The following MPDZ variants were observed in gnomAD, a reference collection of about 807,000 sequenced individuals.
The protein encoded by MPDZ is multiple PDZ domain crumbs cell polarity complex component.
In MPDZ, 234 loss-of-function variants were observed where a neutral mutation model predicts 239.1. The observed-to-expected ratio is 0.98, with a 90% confidence interval of 0.88 to 1.09. The LOEUF (loss-of-function observed/expected upper bound fraction) is 1.09, where lower values mean the gene tolerates loss of function less well. Among genes scored for constraint, MPDZ ranks in the 50% least tolerant of loss-of-function variants. MPDZ has a pLI of 0.00. For missense variants in MPDZ, 3,175 were observed against 2,510.0 expected (o/e 1.26, Z -5.66); for synonymous variants, 1,048 against 881.3 (o/e 1.19, Z -3.35).
intron 1 of MPDZ, among the ~76,000 whole-genome samples, chr9:13,263,873 T>A (rs904997877): frequency 6.6e-6 from 1 of 152,160 alleles, no homozygotes; most frequent in Non-Finnish European, 1.5e-5. Flanking sequence ...AATATTCAAA[T>A]GACAATAAAA....
At chr9:13,159,506 G>C (rs558505445) in intron 23 of MPDZ, among the ~76,000 whole-genome samples, 1 of 152,026 alleles carries the variant, frequency 6.6e-6, no homozygotes, top group Non-Finnish European at 1.5e-5. Context: ...AAGGCAGAGA[G>C]GTAAAAATTA....
chr9:13,105,924 G>C lies in MPDZ; in HGVS notation c.*1041C>G, dbSNP rs1375011831. The C allele has an allele frequency of 2.6e-5, 4 of 152,046 alleles. No individual in the cohort carries two copies. Among genetic ancestry groups the C allele is most frequent in the Admixed American group, 1.3e-4 (2 of 15,262 alleles). 9.4% of individuals were successfully genotyped at this position (152,046 alleles called of 1,614,324 possible). On this transcript the variant is annotated 3_prime_UTR_variant, in exon 47 of 47. Coordinates refer to ENST00000319217, the MANE Select transcript of MPDZ (RefSeq NM_001378778.1). ...TAAACAGCTCCATCTGTTTCCCTTAGTCTTAAACTATTGTATTATAAGATG... is the reference window on the plus strand; with the variant it reads ...TAAACAGCTCCATCTGTTTCCCTTACTCTTAAACTATTGTATTATAAGATG...
chr9:13,257,152 C>T (rs569882156), intron 1 of MPDZ, among the ~76,000 whole-genome samples: 1 of 152,206 alleles, frequency 6.6e-6, no homozygotes, highest in East Asian at 1.9e-4. Flanking sequence ...AAATCTGTTC[C>T]AATAGGCTTA....
intron 19 of MPDZ, among the ~76,000 whole-genome samples, chr9:13,181,078 G>A (rs373808489): frequency 2.0e-5 from 3 of 152,038 alleles, no homozygotes; most frequent in Non-Finnish European, 4.4e-5. Context: ...GGAAGAGACA[G>A]GTAAAATTAT....
chr9:13,184,721 A>C (rs577298250), intron 18 of MPDZ, among the ~76,000 whole-genome samples: 4 of 152,118 alleles, frequency 2.6e-5, no homozygotes, highest in African/African-American at 9.6e-5. Flanking sequence ...ACATTAATGA[A>C]AGAATACCTC....
chr9:13,242,316 C>T lies in MPDZ; in HGVS notation c.183+5319G>A, dbSNP rs1184764004. ...TCTGGGCTCACCACAACCTCCACTTCCTGGGCTCAAGCAATTCTCGTGCCT... is the reference window on the plus strand; with the variant it reads ...TCTGGGCTCACCACAACCTCCACTTTCTGGGCTCAAGCAATTCTCGTGCCT... On this transcript the variant is annotated intron_variant, in intron 3 of 46. Coordinates refer to ENST00000319217, the MANE Select transcript of MPDZ (RefSeq NM_001378778.1). Among the ~76,000 whole-genome samples the T allele has an allele frequency of 5.6e-5, 8 of 143,320 alleles. No homozygotes were observed. In the Admixed American group the frequency reaches 5.9e-4, roughly 10 times the overall value. The allele number at this position is 143,320 out of a possible 152,430, so 94.0% of individuals were successfully genotyped here.
At chr9:13,167,635 C>T (rs1430985702) in intron 22 of MPDZ, among the ~76,000 whole-genome samples, 1 of 152,082 alleles carries the variant, frequency 6.6e-6, no homozygotes, top group African/African-American at 2.4e-5. Context: ...TGTTATCCCT[C>T]ATACATTAAA....
intron 1 of MPDZ, among the ~76,000 whole-genome samples, chr9:13,272,841 G>A (rs1973316876): frequency 6.6e-6 from 1 of 152,028 alleles, no homozygotes; most frequent in Non-Finnish European, 1.5e-5. Context: ...TAAGCTTTAT[G>A]AAATTTACCC....
intron 13 of MPDZ, among the ~76,000 whole-genome samples, chr9:13,194,945 T>C (rs1225905661): frequency 6.6e-6 from 1 of 152,074 alleles, no homozygotes; most frequent in Non-Finnish European, 1.5e-5. Context: ...GTAACAGCTA[T>C]ACTTACTCAA....
chr9:13,231,490 C>G (rs1309951424), intron 3 of MPDZ, among the ~76,000 whole-genome samples: 1 of 152,078 alleles, frequency 6.6e-6, no homozygotes, highest in Non-Finnish European at 1.5e-5. Context: ...TCACTTGAAC[C>G]TGGGAGGTGG....
At chr9:13,276,501 C>G (rs1461712680) in intron 1 of MPDZ, 4 of 152,066 alleles carry the variant, frequency 2.6e-5, no homozygotes, top group Non-Finnish European at 4.4e-5. Context: ...AAATGAAATC[C>G]TACTTTAGGC....
At chr9:13,273,639 C>T (rs980788864) in intron 1 of MPDZ, among the ~76,000 whole-genome samples, 1 of 152,082 alleles carries the variant, frequency 6.6e-6, no homozygotes, top group Admixed American at 6.6e-5. Context: ...ATGGAAATAT[C>T]ATGTGAGCCA....
At chr9:13,219,398 T>A (rs532707349) in intron 8 of MPDZ, among the ~76,000 whole-genome samples, 161 bp downstream of exon 8, 1 of 152,138 alleles carries the variant, frequency 6.6e-6, no homozygotes, top group South Asian at 2.1e-4. Context: ...TCCTGATTAA[T>A]AAAATATCAT....
At chr9:13,242,094 G>C (rs987645065) in intron 3 of MPDZ, among the ~76,000 whole-genome samples, 1 of 151,058 alleles carries the variant, frequency 6.6e-6, no homozygotes, top group Non-Finnish European at 1.5e-5. Flanking sequence ...TGTATTCTTA[G>C]AATTAGTAAG....
At chr9:13,278,733 G>A (rs938392862) in intron 1 of MPDZ, among the ~76,000 whole-genome samples, 5 of 152,104 alleles carry the variant, frequency 3.3e-5, no homozygotes, top group Admixed American at 6.5e-5. Flanking sequence ...GCCGGTGCCA[G>A]GGGTGAGGGA....
chr9:13,168,358 ATACT>A lies in MPDZ; in HGVS notation c.3254+4_3254+7del. ...CCCAAGTTAAACTGGGCTTCAAATG[ATACT>A]TACTTTATGTCAGGGCCAATGAGAG... is the stretch of plus-strand genomic sequence containing the variant. On this transcript the variant is annotated splice_donor_5th_base_variant and intron_variant, in intron 22 of 46. Coordinates refer to ENST00000319217, the MANE Select transcript of MPDZ (RefSeq NM_001378778.1). 2 of 1,609,254 alleles carry A rather than the reference ATACT, an allele frequency of 1.2e-6. No individual in the cohort carries two copies. Among genetic ancestry groups the A allele is most frequent in the Non-Finnish European group, 8.5e-7 (1 of 1,177,580 alleles).
chr9:13,121,989 T>TG, intron 37 of MPDZ, 57 bp from the exon 38 acceptor site: 3 of 1,596,538 alleles, frequency 1.9e-6, no homozygotes, highest in Non-Finnish European at 2.6e-6. Context: ...GAGAGTTAGG[T>TG]GGGGAAGGGA....
intron 1 of MPDZ, among the ~76,000 whole-genome samples, chr9:13,268,720 C>T (rs1232580370): frequency 6.6e-6 from 1 of 152,182 alleles, no homozygotes; most frequent in Admixed American, 6.5e-5. Flanking sequence ...AAGGGAAGGA[C>T]ATCTGCTAAG....
At chr9:13,245,483 T>C (rs1473307407) in intron 3 of MPDZ, among the ~76,000 whole-genome samples, 2 of 151,836 alleles carry the variant, frequency 1.3e-5, no homozygotes, top group African/African-American at 4.8e-5. Flanking sequence ...TCTACTCTAC[T>C]CTTATAATCA....
Sources: allele counts gnomAD v4.1 joint callset (sites outside exome capture counted in the v4.1 genomes callset), GRCh38; gene constraint gnomAD v4.1.1; transcripts MANE v1.5; gene names NCBI Gene and HGNC (gene_info 2026-07-23, HGNC 2026-07-21).